Variants in DNAH8 observed in about 807,000 individuals in gnomAD.
DNAH8 encodes the protein axonemal beta dynein heavy chain 8.
A neutral mutation model predicts 562.1 loss-of-function variants in DNAH8; 382 were observed. The observed-to-expected ratio is 0.68, with a 90% confidence interval of 0.63 to 0.74. The LOEUF (loss-of-function observed/expected upper bound fraction) is 0.74, where lower values mean the gene tolerates loss of function less well. Among genes scored for constraint, DNAH8 ranks in the 30% least tolerant of loss-of-function variants. The pLI, the probability that DNAH8 is intolerant of heterozygous loss-of-function variation, is 0.00. For synonymous variants in DNAH8, 1,881 were observed against 1,919.4 expected, an observed-to-expected ratio of 0.98 and a Z score of 0.52; for missense variants, 5,203 against 5,620.4, an observed-to-expected ratio of 0.93 and a Z score of 2.37.
intron 26 of DNAH8, among the ~76,000 whole-genome samples, chr6:38,816,696 C>G (rs1211505164): frequency 1.3e-5 from 2 of 152,130 alleles, no homozygotes; most frequent in Non-Finnish European, 2.9e-5. Context: ...ATTTACATTC[C>G]CACCAACAGT....
At chr6:38,994,828 G>A (rs1229909270) in intron 88 of DNAH8, among the ~76,000 whole-genome samples, 1 of 151,688 alleles carries the variant, frequency 6.6e-6, no homozygotes, top group Admixed American at 6.6e-5. Context: ...TATTTTAGTA[G>A]GGAAGGGGTT....
intron 43 of DNAH8, 109 bp downstream of exon 43, chr6:38,860,738 A>G (rs1236422800): frequency 2.7e-6 from 2 of 734,950 alleles, no homozygotes; most frequent in Non-Finnish European, 2.0e-6. Flanking sequence ...CATGCTGGGT[A>G]GATGCTAGCT....
chr6:39,026,788 C>A, intron 92 of DNAH8, 121 bp downstream of exon 92: 2 of 1,078,640 alleles, frequency 1.9e-6, no homozygotes, highest in East Asian at 2.4e-5. Context: ...TGAGGGTTCC[C>A]TCCATCATAG....
At chr6:38,794,828 T>C (rs1271812190) in intron 21 of DNAH8, among the ~76,000 whole-genome samples, 1 of 151,398 alleles carries the variant, frequency 6.6e-6, no homozygotes, top group African/African-American at 2.4e-5. Flanking sequence ...GGCATTTAGA[T>C]TGTTTATAGC....
intron 86 of DNAH8, among the ~76,000 whole-genome samples, chr6:38,983,230 G>A (rs954630512): frequency 6.6e-6 from 1 of 152,182 alleles, no homozygotes; most frequent in African/African-American, 2.4e-5. Flanking sequence ...ATTTGTGAAA[G>A]CACAGTACAC....
intron 87 of DNAH8, among the ~76,000 whole-genome samples, 195 bp from the exon 88 acceptor site, chr6:38,989,817 T>C (rs1764656749): frequency 6.6e-6 from 1 of 152,188 alleles, no homozygotes; most frequent in Non-Finnish European, 1.5e-5. Flanking sequence ...GGAGGCCAGG[T>C]CAAATTGTGT....
rs75239310 is a variant in DNAH8 at position 38,735,814 on chromosome 6, A to G, written c.762+1189A>G. Among the ~76,000 whole-genome samples the G allele has an allele frequency of 8.7e-3, 1,323 of 152,290 alleles. 21 individuals are homozygous for G. Among genetic ancestry groups the G allele is most frequent in the African/African-American group, 0.03 (1,247 of 41,536 alleles). On this transcript the variant is annotated intron_variant, in intron 5 of 92. Transcript: ENST00000327475. ...TTATTTACCTGTATATCTCTAAATA[A>G]TATGCTCAGACTGCTCCTTTTGTCA... is the stretch of plus-strand genomic sequence containing the variant.
chr6:38,851,496 T>C, intron 38 of DNAH8, 76 bp from the exon 39 acceptor site: 1 of 821,216 alleles, frequency 1.2e-6, no homozygotes, highest in Non-Finnish European at 2.0e-6. Flanking sequence ...ATGTTAGTGA[T>C]TATGTCTTGA....
chr6:38,775,879 C>T lies in DNAH8; in HGVS notation c.1890C>T (p.Asp630=). ...AAGGGGTTAAGAAAAAGCAATATGA[C>T]ATTCTGGATCCAAGAAGGACAGAAT... ...IYQGVKKKQY[D]ILDPRRTEFD... is the part of the protein sequence containing the mutation. The change falls in exon 13 of 93, where the codon GAC becomes GAT. Residue 630 remains aspartate (D), a synonymous_variant. Coordinates refer to ENST00000327475, the MANE Select transcript of DNAH8 (RefSeq NM_001206927.2). 2 of 1,612,638 alleles carry T rather than the reference C, an allele frequency of 1.2e-6. No individual in the cohort carries two copies. Among genetic ancestry groups the T allele is most frequent in the Admixed American group, 1.7e-5 (1 of 60,018 alleles).
chr6:38,930,357 C>G (rs1445864538), intron 75 of DNAH8, among the ~76,000 whole-genome samples: 2 of 152,038 alleles, frequency 1.3e-5, no homozygotes, highest in Non-Finnish European at 2.9e-5. Context: ...GTGTTTATTA[C>G]TTTGGACAAC....
intron 74 of DNAH8, among the ~76,000 whole-genome samples, chr6:38,927,349 T>C (rs1782200589): frequency 6.6e-6 from 1 of 152,178 alleles, no homozygotes; most frequent in African/African-American, 2.4e-5. Context: ...GTGCTTCTCA[T>C]CCAAGTGGAT....
intron 11 of DNAH8, among the ~76,000 whole-genome samples, chr6:38,766,995 A>AAAT (rs1353607854): frequency 6.6e-6 from 1 of 152,322 alleles, no homozygotes; most frequent in East Asian, 1.9e-4. Flanking sequence ...AAAATTTTTA[A>AAAT]TTATGATAAA....
intron 88 of DNAH8, among the ~76,000 whole-genome samples, chr6:39,006,054 C>T (rs968267736): frequency 1.3e-5 from 2 of 152,216 alleles, no homozygotes; most frequent in Admixed American, 1.3e-4. Flanking sequence ...AATTGGGTAC[C>T]TCAGTCCTGC....
chr6:38,996,942 TCA>T (rs757912651), intron 88 of DNAH8, among the ~76,000 whole-genome samples: 1,825 of 152,188 alleles, frequency 0.012, 31 homozygotes, highest in East Asian at 0.06. Context: ...ACTAGTGAGG[TCA>T]GGTAGAAGGC....
intron 66 of DNAH8, 103 bp from the exon 67 acceptor site, chr6:38,913,746 A>G: frequency 1.5e-6 from 1 of 671,310 alleles, no homozygotes; most frequent in Admixed American, 2.7e-5. Context: ...TGTGTTTGTT[A>G]TATTACATGT....
At chr6:38,997,303 C>G (rs1313393234) in intron 88 of DNAH8, among the ~76,000 whole-genome samples, 1 of 152,180 alleles carries the variant, frequency 6.6e-6, no homozygotes, top group Non-Finnish European at 1.5e-5. Context: ...GCTGTTCCCC[C>G]ACCGGCCACC....
Position 38,957,399 on chromosome 6 carries a change from A to G in DNAH8, c.12451+5879A>G, listed in dbSNP as rs578054835. Among the ~76,000 whole-genome samples the G allele has an allele frequency of 5.9e-5, 9 of 151,598 alleles. No individual in the cohort carries two copies. In the East Asian group the frequency reaches 1.2e-3, roughly 20 times the overall value. ...TAATAGTAGGGGGCTTCAACATCCC[A>G]TTTTCAGCAATGGACAAATCACCCA... On this transcript the variant is annotated intron_variant, in intron 82 of 92. Coordinates refer to ENST00000327475, the MANE Select transcript of DNAH8 (RefSeq NM_001206927.2).
At chr6:38,723,221 T>C (rs1305864234) in intron 2 of DNAH8, 22 bp downstream of exon 2, 1 of 1,591,904 alleles carries the variant, frequency 6.3e-7, no homozygotes, top group South Asian at 1.1e-5. Context: ...ATACGATTTT[T>C]CATGTGTGCC....
At chr6:38,974,613 T>C in intron 85 of DNAH8, 84 bp downstream of exon 85, 1 of 1,097,974 alleles carries the variant, frequency 9.1e-7, no homozygotes, top group Non-Finnish European at 1.3e-6. Context: ...AGGAGGGTGC[T>C]ATCCGTTGCC....
Sources: gnomAD v4.1 joint callset for allele counts (sites outside exome capture counted in the v4.1 genomes callset) on GRCh38, gnomAD v4.1.1 for gene constraint, MANE v1.5 for transcripts, NCBI Gene and HGNC (gene_info 2026-07-23, HGNC 2026-07-21) for gene names.